The following CNTRL variants were observed in gnomAD, a reference collection of about 807,000 sequenced individuals.
The protein encoded by CNTRL is centriolin.
Under a neutral mutation model 303.7 loss-of-function variants are expected in CNTRL, and 233 were observed. The ratio of observed to expected loss-of-function variants is 0.77; its 90% CI spans 0.69 to 0.86. The LOEUF (loss-of-function observed/expected upper bound fraction) is 0.86. CNTRL is among the 40% of genes least tolerant of loss of function. The probability of loss-of-function intolerance (pLI) is 0.00; values close to 1 mark genes in which losing one functional copy is unlikely to be tolerated. For missense variants in CNTRL, 2,524 were observed against 2,650.6 expected (o/e 0.95, Z 1.05); for synonymous variants, 900 against 922.2 (o/e 0.98, Z 0.44).
Position 121,150,264 on chromosome 9 carries a change from T to G in CNTRL, c.3744T>G (p.Thr1248=), listed in dbSNP as rs7857010. The part of the protein sequence containing the change: ...FVPPPGYMMY[T]VLPDGSPVPQ... Reference sequence around the variant, plus strand: ...CTCCTCCTGGATACATGATGTATACTGTGCTTCCTGATGGTTCTCCTGTAC... The same window carrying G: ...CTCCTCCTGGATACATGATGTATACGGTGCTTCCTGATGGTTCTCCTGTAC... The change falls in exon 25 of 44, where the codon ACT becomes ACG. Residue 1248 remains threonine, a synonymous_variant. Transcript: ENST00000373855. 9.1e-3 allele frequency: 14,716 copies of G among 1,614,134 alleles called. 1,226 individuals are homozygous for G. In the African/African-American group the frequency reaches 0.17, roughly 19 times the overall value.
At chr9:121,140,309 C>T (rs1209854408) in intron 16 of CNTRL, among the ~76,000 whole-genome samples, 2 of 152,154 alleles carry the variant, frequency 1.3e-5, no homozygotes, top group Non-Finnish European at 1.5e-5. Context: ...GTTGACTGGC[C>T]TCTAGTCAGA....
At position 121,169,716 on chromosome 9, in the gene CNTRL, G is replaced by A. The variant is rs769539815; in HGVS notation, c.6176G>A (p.Arg2059Gln). 24 of 1,614,050 alleles carry A rather than the reference G, an allele frequency of 1.5e-5. No homozygotes were observed. Among genetic ancestry groups the A allele is most frequent in the East Asian group, 6.7e-5 (3 of 44,892 alleles). The part of the protein sequence containing the change: ...DSMRADFSLL[R>Q]NQFLTERKKA... The stretch of plus-strand genomic sequence containing the variant: ...ATGAGGGCAGACTTCAGCCTTCTGC[G>A]GAACCAGTTCTTGACAGAAAGAAAG... The change falls in exon 39 of 44, where the codon CGG (arginine) becomes CAG (glutamine). Residue 2059 changes from arginine (R) to glutamine (Q), a missense_variant. Coordinates refer to ENST00000373855, the MANE Select transcript of CNTRL (RefSeq NM_007018.6).
At chr9:121,115,313 G>T (rs1489391312) in intron 11 of CNTRL, 113 bp downstream of exon 11, 1 of 536,972 alleles carries the variant, frequency 1.9e-6, no homozygotes, top group Non-Finnish European at 3.2e-6. Flanking sequence ...GTTAATTATG[G>T]AATGATAAAT....
chr9:121,095,037 T>G lies in CNTRL; in HGVS notation c.479+19T>G. 1 of 1,574,586 alleles carries G rather than the reference T, an allele frequency of 6.4e-7. No individual in the cohort carries two copies. Among genetic ancestry groups the G allele is most frequent in the Non-Finnish European group, 8.6e-7 (1 of 1,161,514 alleles). Reference sequence around the variant, plus strand: ...AAATCAGGTGAGTTATATAACAAAATCTTTAGGCAGCATTGCAGATAGCTT... The same window carrying G: ...AAATCAGGTGAGTTATATAACAAAAGCTTTAGGCAGCATTGCAGATAGCTT... On this transcript the variant is annotated intron_variant, in intron 5 of 43. Transcript: ENST00000373855.
In CNTRL at chr9:121,169,634, C is replaced by G. The variant is rs892318070; in HGVS notation, c.6094C>G (p.Gln2032Glu). The G allele has an allele frequency of 1.2e-6, 2 of 1,613,984 alleles. No homozygotes were observed. Among genetic ancestry groups the G allele is most frequent in the African/African-American group, 1.3e-5 (1 of 74,890 alleles). Residue 2032 changes from glutamine to glutamate, a missense_variant, in exon 39 of 44, where the codon CAG (glutamine) becomes GAG (glutamate). By Grantham distance (29) the Gln-to-Glu change is conservative. Transcript: ENST00000373855. Reference protein sequence around the residue: ...QTKRQLSEREQQLVEKSGELL... With the variant: ...QTKRQLSEREEQLVEKSGELL... Reference sequence around the variant, plus strand: ...AGAACGGCAGCTTTCAGAAAGGGAGCAGCAATTGGTGGAGAAATCAGGTGA... The same window carrying G: ...AGAACGGCAGCTTTCAGAAAGGGAGGAGCAATTGGTGGAGAAATCAGGTGA...
intron 23 of CNTRL, among the ~76,000 whole-genome samples, chr9:121,146,460 C>T (rs1414736138): frequency 1.3e-5 from 2 of 152,022 alleles, no homozygotes; most frequent in Non-Finnish European, 2.9e-5. Context: ...CATACTCGGG[C>T]GGTATGTGTT....
At chr9:121,139,208 A>G (rs1018176288) in intron 16 of CNTRL, among the ~76,000 whole-genome samples, 13 of 152,206 alleles carry the variant, frequency 8.5e-5, no homozygotes, top group African/African-American at 2.9e-4. Flanking sequence ...TCTCACAGTA[A>G]TCTGCTGAAC....
At chr9:121,105,709 G>A (rs1318151049) in intron 7 of CNTRL, among the ~76,000 whole-genome samples, 1 of 152,192 alleles carries the variant, frequency 6.6e-6, no homozygotes, top group East Asian at 1.9e-4. Flanking sequence ...GGTCAACTCT[G>A]TTGAATGTTG....
At chr9:121,132,387 T>G (rs1170180793) in intron 14 of CNTRL, among the ~76,000 whole-genome samples, 3 of 152,226 alleles carry the variant, frequency 2.0e-5, no homozygotes, top group African/African-American at 7.2e-5. Context: ...AATTTGATCT[T>G]CAGTCACTGA....
Position 121,107,888 on chromosome 9 carries a change from G to T in CNTRL, c.895G>T (p.Glu299Ter). Residue 299 changes from glutamate (E) to a stop codon, truncating the protein, a stop_gained, in exon 8 of 44, where the codon GAA becomes TAA. Coordinates refer to ENST00000373855, the MANE Select transcript of CNTRL (RefSeq NM_007018.6). LOFTEE classifies it high-confidence loss of function. ...LKSKQTRFLEEIKNQDKLNKS... is the reference protein window; with the variant it reads ...LKSKQTRFLE ...GAGCAAACAAACAAGGTTCCTTGAG[G>T]AAATTAAAAATCAAGATAAATTGAA... The T allele has an allele frequency of 6.2e-7, 1 of 1,610,300 alleles. No individual in the cohort carries two copies. The highest frequency in any genetic ancestry group is 8.5e-7 in the Non-Finnish European group (1 of 1,178,304).
chr9:121,176,578 C>A (rs1432380619), intron 43 of CNTRL, among the ~76,000 whole-genome samples: 1 of 152,128 alleles, frequency 6.6e-6, no homozygotes, highest in African/African-American at 2.4e-5. Context: ...GTAGAGTGCA[C>A]AAGGGCTTAA....
rs545025711 is a variant in CNTRL at position 121,152,907 on chromosome 9, A to G, written c.4172+214A>G. Among the ~76,000 whole-genome samples, 4 of 152,330 alleles carry G rather than the reference A, an allele frequency of 2.6e-5. No individual in the cohort carries two copies. In the South Asian group the frequency reaches 8.3e-4, roughly 32 times the overall value. ...ATTTAATAGCCACATATTGAGTACCATATTGAGCAATACAGGTCTGAGTTC... is the reference window on the plus strand; with the variant it reads ...ATTTAATAGCCACATATTGAGTACCGTATTGAGCAATACAGGTCTGAGTTC... On this transcript the variant is annotated intron_variant, in intron 26 of 43. Coordinates refer to ENST00000373855, the MANE Select transcript of CNTRL (RefSeq NM_007018.6).
In CNTRL at chr9:121,145,269, G is replaced by T. The variant is rs1564269707; in HGVS notation, c.3194G>T (p.Gly1065Val). 1 of 1,612,834 alleles carries T rather than the reference G, an allele frequency of 6.2e-7. No individual in the cohort carries two copies. Among genetic ancestry groups the T allele is most frequent in the East Asian group, 2.2e-5 (1 of 44,854 alleles). Reference protein sequence around the residue: ...EQFRLEMEKTGVGTGANSQVL... With the variant: ...EQFRLEMEKTVVGTGANSQVL... ...TTTCGACTTGAGATGGAGAAAACAG[G>T]TGTAGGTACTGGAGCAAACTCACAG... Residue 1065 changes from glycine to valine, a missense_variant, in exon 22 of 44, where the codon GGT becomes GTT. Coordinates refer to ENST00000373855, the MANE Select transcript of CNTRL (RefSeq NM_007018.6).
chr9:121,142,124 A>G lies in CNTRL; in HGVS notation c.2725A>G (p.Ile909Val), dbSNP rs202019285. Residue 909 changes from isoleucine to valine, a missense_variant, in exon 19 of 44, where the codon ATC (isoleucine) becomes GTC (valine). Physicochemically the swap from Ile to Val is conservative, Grantham distance 29. Transcript: ENST00000373855. ...NFDKRQHEAR[I>V]QQMENEIHYL... ...TGATAAGAGGCAACATGAAGCAAGA[A>G]TCCAGCAAATGGAGAATGAAATTCA... 6.2e-6 allele frequency: 10 copies of G among 1,605,636 alleles called. No homozygotes were observed. The Admixed American group carries it at 1.0e-4, about 16-fold the overall frequency.
intron 1 of CNTRL, among the ~76,000 whole-genome samples, chr9:121,076,377 T>G (rs957558756): frequency 6.6e-6 from 1 of 151,856 alleles, no homozygotes; most frequent in African/African-American, 2.4e-5. Context: ...TTTAATAGGA[T>G]GGAGAAGGAT....
At chr9:121,102,119 A>G (rs983993619) in intron 7 of CNTRL, among the ~76,000 whole-genome samples, 5 of 152,212 alleles carry the variant, frequency 3.3e-5, no homozygotes, top group Non-Finnish European at 5.9e-5. Flanking sequence ...TTAGACCAAT[A>G]TCCCTGATGA....
chr9:121,148,836 G>T lies in CNTRL; in HGVS notation c.3624G>T (p.Gly1208=), dbSNP rs762185388. 27 of 1,613,276 alleles carry T rather than the reference G, an allele frequency of 1.7e-5. No individual in the cohort carries two copies. Among genetic ancestry groups the T allele is most frequent in the Non-Finnish European group, 2.3e-5 (27 of 1,179,906 alleles). ...GYWVYSPIRS[G]LHKLFPSRDA... is the part of the protein sequence containing the mutation. ...GGGTTTATTCTCCCATCAGGAGTGG[G>T]TTACATAAACTGTTTCCAAGTAGAG... The change falls in exon 24 of 44, where the codon GGG becomes GGT. Residue 1208 remains glycine (G), a synonymous_variant. Transcript: ENST00000373855.
intron 12 of CNTRL, 24 bp from the exon 13 acceptor site, chr9:121,123,907 T>C (rs1248628391): frequency 3.9e-6 from 6 of 1,534,800 alleles, no homozygotes; most frequent in Non-Finnish European, 5.2e-6. Flanking sequence ...CTTGGAGTTT[T>C]GTTGATTTTT....
At chr9:121,088,653 C>G (rs1377813050) in intron 3 of CNTRL, 110 bp downstream of exon 3, 1 of 654,862 alleles carries the variant, frequency 1.5e-6, no homozygotes, top group African/African-American at 1.8e-5. Context: ...CTAATTTGAT[C>G]TATTGTTTTT....
Sources: allele counts gnomAD v4.1 joint callset (sites outside exome capture counted in the v4.1 genomes callset), GRCh38; gene constraint gnomAD v4.1.1; transcripts MANE v1.5; gene names NCBI Gene and HGNC (gene_info 2026-07-23, HGNC 2026-07-21).